Variants in SHC1 observed in about 807,000 individuals in gnomAD.
SHC1 encodes SHC-transforming protein 1.
Under a neutral mutation model 55.9 loss-of-function variants are expected in SHC1, and 30 were observed. The ratio of observed to expected loss-of-function variants is 0.54; its 90% CI spans 0.40 to 0.73. SHC1 has a LOEUF of 0.73. Among genes scored for constraint, SHC1 ranks in the 30% least tolerant of loss-of-function variants. The probability of loss-of-function intolerance (pLI) is 0.00; values close to 1 mark genes in which losing one functional copy is unlikely to be tolerated. For missense variants in SHC1, 675 were observed against 777.1 expected (o/e 0.87, Z 1.56); for synonymous variants, 309 against 306.1 (o/e 1.01, Z -0.10).
upstream of SHC1, among the ~76,000 whole-genome samples, chr1:154,971,214 C>T (rs1571456757): frequency 6.6e-6 from 1 of 152,026 alleles, no homozygotes. Flanking sequence ...AGCTGGCTGG[C>T]CCCAGCCCAG....
At chr1:154,964,188 C>A in intron 11 of SHC1, 1 of 582,112 alleles carries the variant, frequency 1.7e-6, no homozygotes, top group Non-Finnish European at 3.4e-6. Context: ...CTATATACCC[C>A]TTTCTTGACC....
upstream of SHC1, among the ~76,000 whole-genome samples, chr1:154,972,700 GTC>G (rs1406512256): frequency 6.6e-6 from 1 of 152,228 alleles, no homozygotes; most frequent in African/African-American, 2.4e-5. Context: ...CCTACTGGAA[GTC>G]CAGGTGATTG....
rs751594343 is a variant in SHC1, at chr1:154,965,658, T to G, written c.1511A>C (p.Gln504Pro). ...LSRREAEALLQLNGDFLVRES... is the reference protein window; with the variant it reads ...LSRREAEALLPLNGDFLVRES... ...CCGTACCAGGAAGTCCCCATTGAGC[T>G]GCAGCAGTGCCTCAGCCTCCCGCCG... Residue 504 changes from glutamine to proline, a missense_variant, in exon 11 of 12, where the codon CAG becomes CCG. By Grantham distance (76) the Gln-to-Pro change is moderately conservative (BLOSUM62 -1). Around this residue, in one of 3 missense-constraint regions of SHC1, gnomAD observed 360 missense variants for 371.1 expected, o/e 0.97. Coordinates refer to ENST00000448116, the MANE Select transcript of SHC1 (RefSeq NM_001130040.2). 6.2e-7 allele frequency: 1 copy of G among 1,614,076 alleles called. No individual in the cohort carries two copies. The highest frequency in any genetic ancestry group is 1.1e-5 in the South Asian group (1 of 91,068).
intron 2 of SHC1, 107 bp downstream of exon 2, chr1:154,969,271 C>T (rs1656426564): frequency 5.3e-6 from 4 of 759,974 alleles, no homozygotes; most frequent in Non-Finnish European, 9.2e-6. Flanking sequence ...CTTTACTACG[C>T]AAAGATCAGC....
At chr1:154,969,860 T>TG (rs1656515614) in intron 1 of SHC1, among the ~76,000 whole-genome samples, 172 bp downstream of exon 1, 1 of 131,126 alleles carries the variant, frequency 7.6e-6, no homozygotes, top group African/African-American at 3.0e-5. Context: ...CAGGCAAAGC[T>TG]GGAAGGGAAG....
chr1:154,968,061 T>C, intron 5 of SHC1, 30 bp from the exon 6 acceptor site: 3 of 1,613,252 alleles, frequency 1.9e-6, no homozygotes, highest in Non-Finnish European at 2.5e-6. Flanking sequence ...AATTTTACAG[T>C]TCTACTTTAC....
At position 154,968,761 on chromosome 1, in the gene SHC1, C is replaced by T; in HGVS notation, c.630+10G>A. The T allele has an allele frequency of 6.2e-7, 1 of 1,613,496 alleles. No individual in the cohort carries two copies. On this transcript the variant is annotated intron_variant, in intron 3 of 11. Coordinates refer to ENST00000448116, the MANE Select transcript of SHC1 (RefSeq NM_001130040.2). ...CCAGCAGCATCCCTATCCCCAAGGA[C>T]CCCAAGTACCTTTCTCCTCCTTGTC... is the stretch of plus-strand genomic sequence containing the variant.
Position 154,967,986 on chromosome 1 carries a change from G to T in SHC1, c.850C>A (p.Gln284Lys). The T allele has an allele frequency of 6.2e-7, 1 of 1,614,138 alleles. No homozygotes were observed. The highest frequency in any genetic ancestry group is 8.5e-7 in the Non-Finnish European group (1 of 1,179,996). The change falls in exon 6 of 12, where the codon CAG becomes AAG. Residue 284 changes from glutamine to lysine, a missense_variant. Gln to Lys is a moderately conservative substitution (Grantham distance 53). Coordinates refer to ENST00000448116, the MANE Select transcript of SHC1 (RefSeq NM_001130040.2). ...VAYVAKDPVN[Q>K]RACHILECPE... ...GCTCCCCACCATGCCTCACCTCTCT[G>T]ATTCACAGGGTCTTTGGCAACATAG...
intron 7 of SHC1, among the ~76,000 whole-genome samples, chr1:154,967,153 A>G (rs1368276696): frequency 6.9e-6 from 1 of 145,158 alleles, no homozygotes; most frequent in African/African-American, 2.5e-5. Flanking sequence ...TCTCCCAACA[A>G]GGAAGGGAAG....
At chr1:154,972,947 C>T (rs538401289), upstream of SHC1, among the ~76,000 whole-genome samples, 34 of 152,206 alleles carry the variant, frequency 2.2e-4, no homozygotes, top group East Asian at 5.2e-3. Context: ...AAAAAGAGCA[C>T]TATTATCTAC....
upstream of SHC1, among the ~76,000 whole-genome samples, chr1:154,971,765 G>A (rs1656768947): frequency 6.6e-6 from 1 of 152,176 alleles, no homozygotes; most frequent in African/African-American, 2.4e-5. Context: ...GAGATCAGAA[G>A]ACACATCTGC....
chr1:154,964,490 A>G, intron 11 of SHC1: 1 of 353,540 alleles, frequency 2.8e-6, no homozygotes, highest in South Asian at 2.2e-5. Flanking sequence ...AAAACAAACA[A>G]AAGTTTTTTT....
chr1:154,969,576 C>A, intron 1 of SHC1, 128 bp from the exon 2 acceptor site: 1 of 659,960 alleles, frequency 1.5e-6, no homozygotes, highest in Non-Finnish European at 2.7e-6. Context: ...GCCCACTTCC[C>A]GTGGCTACAT....
chr1:154,970,459 T>G lies in SHC1; in HGVS notation c.68A>C (p.Glu23Ala). 6.2e-7 allele frequency: 1 copy of G among 1,612,006 alleles called. No individual in the cohort carries two copies. Among genetic ancestry groups the G allele is most frequent in the Non-Finnish European group, 8.5e-7 (1 of 1,179,462 alleles). Residue 23 changes from glutamate (E) to alanine (A), a missense_variant, in exon 1 of 12, where the codon GAA becomes GCA. Around this residue, in one of 3 missense-constraint regions of SHC1, gnomAD observed 156 missense variants for 159.1 expected, o/e 0.98. Transcript: ENST00000448116. This position sits in a 1 kb window ranked among gnomAD's most constrained non-coding sequence, Gnocchi z 5.5. The stretch of plus-strand genomic sequence containing the variant: ...CGGGGGGGTGGACCCAGAAGCCCCT[T>G]CCTCCAGCGATGACAGAGACTCATT... ...LRNESLSSLEEGASGSTPPEE... is the reference protein window; with the variant it reads ...LRNESLSSLEAGASGSTPPEE...
rs1656298539 is a variant in SHC1, at chr1:154,968,506, C to A, written c.739G>T (p.Asp247Tyr). 1.2e-6 allele frequency: 2 copies of A among 1,614,162 alleles called. No individual in the cohort carries two copies. The highest frequency in any genetic ancestry group is 8.5e-7 in the Non-Finnish European group (1 of 1,180,026). The part of the protein sequence containing the change: ...STSSLNLMAA[D>Y]CKQIIANHHM... ...CCACCTTCACCAACCTGTTTGCAGT[C>A]TGCGGCCATGAGGTTGAGGCTGCTG... The change falls in exon 4 of 12, where the codon GAC (aspartate) becomes TAC (tyrosine). Residue 247 changes from aspartate (D) to tyrosine (Y), a missense_variant. Physicochemically the swap from Asp to Tyr is radical, Grantham distance 160 (BLOSUM62 -3). Around this residue, in one of 3 missense-constraint regions of SHC1, gnomAD observed 159 missense variants for 246.9 expected, o/e 0.64. Coordinates refer to ENST00000448116, the MANE Select transcript of SHC1 (RefSeq NM_001130040.2).
chr1:154,967,886 AC>A, intron 6 of SHC1, 89 bp from the exon 7 acceptor site: 1 of 1,601,462 alleles, frequency 6.2e-7, no homozygotes, highest in Non-Finnish European at 8.6e-7. Flanking sequence ...AGGAACCCCC[AC>A]TGAGATCTAC....
intron 6 of SHC1, 62 bp from the exon 7 acceptor site, chr1:154,967,859 C>T (rs1042148672): frequency 8.7e-6 from 14 of 1,605,744 alleles, no homozygotes; most frequent in African/African-American, 1.3e-5. Context: ...CAGACAGGGG[C>T]CCTCATCTTC....
chr1:154,965,283 T>C, intron 11 of SHC1: 1 of 1,118,544 alleles, frequency 8.9e-7, no homozygotes, highest in East Asian at 3.9e-5. Flanking sequence ...GTGATTCACC[T>C]GCCTCAGCCT....
Position 154,969,387 on chromosome 1 carries a change from T to C in SHC1, c.557A>G (p.Gln186Arg). 2 of 1,609,502 alleles carry C rather than the reference T, an allele frequency of 1.2e-6. No individual in the cohort carries two copies. The highest frequency in any genetic ancestry group is 1.1e-5 in the South Asian group (1 of 90,302). ...CTCCCTCCCCACTAACCTGGTGACCTGAGTCCGGGTGTTGAAGTCCAGGGC... is the reference window on the plus strand; with the variant it reads ...CTCCCTCCCCACTAACCTGGTGACCCGAGTCCGGGTGTTGAAGTCCAGGGC... Reference protein sequence around the residue: ...MRALDFNTRTQVTREAISLVC... With the variant: ...MRALDFNTRTRVTREAISLVC... Residue 186 changes from glutamine to arginine, a missense_variant, in exon 2 of 12, where the codon CAG (glutamine) becomes CGG (arginine). Physicochemically the swap from Gln to Arg is conservative, Grantham distance 43. Transcript: ENST00000448116.
Sources: allele counts gnomAD v4.1 joint callset (sites outside exome capture counted in the v4.1 genomes callset), GRCh38; gene constraint gnomAD v4.1.1; regional missense constraint gnomAD v4.1.1; non-coding constraint Gnocchi (gnomAD v3.1); transcripts MANE v1.5; gene names NCBI Gene and HGNC (gene_info 2026-07-23, HGNC 2026-07-21).